The following RCSD1 variants were observed in gnomAD, a reference collection of about 807,000 sequenced individuals.
The protein encoded by RCSD1 is RCSD domain containing 1, also known as capZ-interacting protein.
Under a neutral mutation model 42.5 loss-of-function variants are expected in RCSD1, and 26 were observed. That is an observed-to-expected ratio of 0.61 (90% CI 0.45 to 0.85). The LOEUF (loss-of-function observed/expected upper bound fraction) is 0.85. RCSD1 is among the 40% of genes least tolerant of loss of function. RCSD1 has a pLI of 0.00. For missense variants in RCSD1, 571 were observed against 528.3 expected, an observed-to-expected ratio of 1.08 and a Z score of -0.79; for synonymous variants, 220 against 212.2, an observed-to-expected ratio of 1.04 and a Z score of -0.32.
intron 1 of RCSD1, among the ~76,000 whole-genome samples, chr1:167,670,742 CTG>C (rs1658787776): frequency 6.6e-6 from 1 of 152,184 alleles, no homozygotes; most frequent in African/African-American, 2.4e-5. Context: ...CTCCCCCTCT[CTG>C]TAAATGACAC....
At chr1:167,692,173 A>T (rs1373011385) in intron 4 of RCSD1, among the ~76,000 whole-genome samples, 1 of 152,258 alleles carries the variant, frequency 6.6e-6, no homozygotes, top group Non-Finnish European at 1.5e-5. Flanking sequence ...GCCAAATCCC[A>T]CAGGAAACTT....
intron 4 of RCSD1, among the ~76,000 whole-genome samples, chr1:167,690,705 G>A (rs141982389): frequency 1.7e-3 from 258 of 152,120 alleles, no homozygotes; most frequent in Middle Eastern, 0.01. Flanking sequence ...AGAGTCTTAC[G>A]GGAAAGGACA....
At chr1:167,652,124 C>T (rs1185498482) in intron 1 of RCSD1, among the ~76,000 whole-genome samples, 2 of 150,352 alleles carry the variant, frequency 1.3e-5, no homozygotes, top group African/African-American at 4.9e-5. Context: ...CGGGTTCAAG[C>T]GATTCTCCTG....
intron 6 of RCSD1, among the ~76,000 whole-genome samples, chr1:167,701,431 A>G (rs899643281): frequency 6.6e-6 from 1 of 151,656 alleles, no homozygotes; most frequent in Non-Finnish European, 1.5e-5. Flanking sequence ...TCAGCCTCCC[A>G]AGTAGCTGGG....
chr1:167,701,859 G>A (rs1433970276), intron 6 of RCSD1, among the ~76,000 whole-genome samples: 2 of 152,212 alleles, frequency 1.3e-5, no homozygotes, highest in East Asian at 1.9e-4. Context: ...GGAACCATCA[G>A]TAAGAACAAT....
intron 1 of RCSD1, among the ~76,000 whole-genome samples, chr1:167,674,766 G>A (rs889466846): frequency 5.3e-5 from 8 of 152,154 alleles, no homozygotes; most frequent in Non-Finnish European, 8.8e-5. Flanking sequence ...TTAGCGTAAT[G>A]TTTTCAAGGT....
chr1:167,641,725 A>G (rs12058338), intron 1 of RCSD1: 7,188 of 152,322 alleles, frequency 0.047, 240 homozygotes, highest in African/African-American at 0.089. Context: ...TCTCAAAAAA[A>G]TAAGAATAAG....
At chr1:167,649,973 G>A (rs1035634503) in intron 1 of RCSD1, among the ~76,000 whole-genome samples, 2 of 152,172 alleles carry the variant, frequency 1.3e-5, no homozygotes, top group Non-Finnish European at 2.9e-5. Context: ...GGGGAACCAA[G>A]CAAGTGTTAA....
intron 3 of RCSD1, among the ~76,000 whole-genome samples, chr1:167,689,477 T>C (rs1659320626): frequency 7.5e-6 from 1 of 134,124 alleles, no homozygotes; most frequent in African/African-American, 3.2e-5. Flanking sequence ...CAGGACTCTG[T>C]CTCAAAAAAA....
chr1:167,654,072 G>A (rs1235301781), intron 1 of RCSD1, among the ~76,000 whole-genome samples: 1 of 152,156 alleles, frequency 6.6e-6, no homozygotes, highest in African/African-American at 2.4e-5. Context: ...TGGTTCAAAA[G>A]GTAGTTTTCA....
At position 167,705,757 on chromosome 1, in the gene RCSD1, A is replaced by G. The variant is rs1164142263; in HGVS notation, c.*1061A>G. The stretch of plus-strand genomic sequence containing the variant: ...GAGTTGGGGTCTTTAGTCTCTTCTT[A>G]TTGGGTAGCTCTTGCTTTAATATTC... On this transcript the variant is annotated 3_prime_UTR_variant, in exon 7 of 7. Coordinates refer to ENST00000367854, the MANE Select transcript of RCSD1 (RefSeq NM_052862.4). 6.6e-6 allele frequency: 1 copy of G among 152,192 alleles called. No individual in the cohort carries two copies. The highest frequency in any genetic ancestry group is 2.4e-5 in the African/African-American group (1 of 41,454). 9.4% of individuals were successfully genotyped at this position (152,192 alleles called of 1,614,324 possible).
rs139428435 is a variant in RCSD1 at position 167,700,839 on chromosome 1, A to G, written c.1218+2997A>G. Among the ~76,000 whole-genome samples the G allele has an allele frequency of 3.5e-4, 54 of 152,250 alleles. 1 individual carries two copies. The highest frequency in any genetic ancestry group is 1.2e-3 in the African/African-American group (51 of 41,532). On this transcript the variant is annotated intron_variant, in intron 6 of 6. Transcript: ENST00000367854. Reference sequence around the variant, plus strand: ...AAGTAGTCACCTGCCAGTGGTTGCTACATCTTATTTTCAGGTTAGGAGACA... The same window carrying G: ...AAGTAGTCACCTGCCAGTGGTTGCTGCATCTTATTTTCAGGTTAGGAGACA...
chr1:167,645,145 G>A lies in RCSD1; in HGVS notation c.6+14716G>A, dbSNP rs377153131. Among the ~76,000 whole-genome samples, 28 of 152,316 alleles carry A rather than the reference G, an allele frequency of 1.8e-4. No homozygotes were observed. The East Asian group carries it at 2.7e-3, about 15-fold the overall frequency. ...GACCCACAGCTGGGATAGTTAATAT[G>A]CTACGTGACATATTCAAGTTCAAAA... On this transcript the variant is annotated intron_variant, in intron 1 of 6. Coordinates refer to ENST00000367854, the MANE Select transcript of RCSD1 (RefSeq NM_052862.4).
intron 1 of RCSD1, 63 bp from the exon 2 acceptor site, chr1:167,683,837 G>C: frequency 6.9e-7 from 1 of 1,448,886 alleles, no homozygotes; most frequent in Non-Finnish European, 9.6e-7. Flanking sequence ...CACAAAACAG[G>C]TGCCTTGCAT....
chr1:167,703,829 C>T (rs1659698224), intron 6 of RCSD1, among the ~76,000 whole-genome samples: 4 of 152,196 alleles, frequency 2.6e-5, no homozygotes, highest in Admixed American at 2.6e-4. Context: ...TGCCCAAATG[C>T]CTGCACTGCC....
chr1:167,687,521 TC>T (rs1441456639), intron 3 of RCSD1, among the ~76,000 whole-genome samples: 1 of 123,152 alleles, frequency 8.1e-6, no homozygotes, highest in African/African-American at 4.2e-5. Flanking sequence ...AGACTCCGTC[TC>T]AAAAAAAAAA....
intron 1 of RCSD1, among the ~76,000 whole-genome samples, chr1:167,661,706 A>G (rs1658546927): frequency 6.6e-6 from 1 of 152,226 alleles, no homozygotes; most frequent in Non-Finnish European, 1.5e-5. Flanking sequence ...ATTAATATAT[A>G]TAAAATCTTG....
chr1:167,643,261 A>G (rs1658053243), intron 1 of RCSD1, among the ~76,000 whole-genome samples: 1 of 152,196 alleles, frequency 6.6e-6, no homozygotes, highest in Non-Finnish European at 1.5e-5. Flanking sequence ...TGTCTTCTGT[A>G]AGAAAGCACT....
At position 167,706,866 on chromosome 1, in the gene RCSD1, C is replaced by A. The variant is rs1195267719; in HGVS notation, c.*2170C>A. Among the ~76,000 whole-genome samples, 1 of 152,206 alleles carries A rather than the reference C, an allele frequency of 6.6e-6. No individual in the cohort carries two copies. Among genetic ancestry groups the A allele is most frequent in the African/African-American group, 2.4e-5 (1 of 41,452 alleles). ...TTTATTTGCATGGTTGATACTGGAA[C>A]TTCTAAATTTGGGATTAAAGAAATT... On this transcript the variant is annotated 3_prime_UTR_variant, in exon 7 of 7. Coordinates refer to ENST00000367854, the MANE Select transcript of RCSD1 (RefSeq NM_052862.4).
Sources: allele counts gnomAD v4.1 joint callset (sites outside exome capture counted in the v4.1 genomes callset), GRCh38; gene constraint gnomAD v4.1.1; transcripts MANE v1.5; gene names NCBI Gene and HGNC (gene_info 2026-07-23, HGNC 2026-07-21).